The following SKIC3 variants were observed in gnomAD, a reference collection of about 807,000 sequenced individuals.
SKIC3 encodes superkiller complex protein 3.
At chr5:95,488,774 A>G in the SKIC3 span, among the ~76,000 whole-genome samples, 1 of 152,180 alleles carries the variant, frequency 6.6e-6, no homozygotes, top group Non-Finnish European at 1.5e-5. Flanking sequence ...AGAGGAAGAG[A>G]AAGGACACAA....
At chr5:95,503,541 C>T in the SKIC3 span, among the ~76,000 whole-genome samples, 1 of 152,194 alleles carries the variant, frequency 6.6e-6, no homozygotes, top group Non-Finnish European at 1.5e-5. Context: ...TGCTAAGTCA[C>T]ATTATTTGCC....
the SKIC3 span, chr5:95,468,034 C>T: frequency 1.9e-6 from 3 of 1,607,776 alleles, no homozygotes; most frequent in Non-Finnish European, 1.7e-6. Flanking sequence ...TGCAAATTAC[C>T]ATAAGATATT....
chr5:95,523,583 A>T, the SKIC3 span: 1 of 1,492,896 alleles, frequency 6.7e-7, no homozygotes, highest in Non-Finnish European at 9.1e-7. Flanking sequence ...TCAAGTATAC[A>T]TATATAAAAA....
chr5:95,521,220 A>G, the SKIC3 span: 4 of 158,540 alleles, frequency 2.5e-5, no homozygotes, highest in African/African-American at 2.4e-5. Flanking sequence ...AAGCTATACT[A>G]TAAGAATTAA....
the SKIC3 span, chr5:95,524,703 G>A: frequency 7.1e-7 from 1 of 1,400,740 alleles, no homozygotes; most frequent in Admixed American, 2.0e-5. Context: ...ATTCAGAGGT[G>A]CCAAATTAGA....
At chr5:95,514,888 A>G in the SKIC3 span, 1 of 1,612,602 alleles carries the variant, frequency 6.2e-7, no homozygotes, top group Non-Finnish European at 8.5e-7. Flanking sequence ...AAGATGGATC[A>G]AGGGATTGAG....
the SKIC3 span, chr5:95,523,607 A>G: frequency 1.9e-6 from 3 of 1,584,302 alleles, no homozygotes; most frequent in Non-Finnish European, 2.6e-6. Flanking sequence ...TTTCATTTAT[A>G]TACTCAGGAT....
At chr5:95,467,944 A>C in the SKIC3 span, 1 of 1,613,654 alleles carries the variant, frequency 6.2e-7, no homozygotes, top group South Asian at 1.1e-5. Flanking sequence ...TAGATTTGGG[A>C]TACCCAGGCT....
the SKIC3 span, among the ~76,000 whole-genome samples, chr5:95,488,718 G>A: frequency 6.6e-6 from 1 of 151,996 alleles, no homozygotes; most frequent in Non-Finnish European, 1.5e-5. Flanking sequence ...TTACCATCAT[G>A]AAAACACACA....
chr5:95,547,285 A>G, the SKIC3 span: 2 of 731,848 alleles, frequency 2.7e-6, no homozygotes, highest in South Asian at 3.0e-5. Flanking sequence ...TCTTCCCTCT[A>G]GAATATACAC....
chr5:95,536,937 AAAAGCAAAATAC>A, the SKIC3 span: 1 of 1,611,856 alleles, frequency 6.2e-7, no homozygotes, highest in South Asian at 1.1e-5. Flanking sequence ...TTGAAAATAT[AAAAGCAAAATAC>A]ACTACATTCT....
At chr5:95,517,248 A>G in the SKIC3 span, 3 of 1,613,310 alleles carry the variant, frequency 1.9e-6, no homozygotes, top group African/African-American at 4.0e-5. Flanking sequence ...AGATGGTGCG[A>G]CAGCATACAG....
chr5:95,483,763 G>T, the SKIC3 span, among the ~76,000 whole-genome samples: 1 of 152,086 alleles, frequency 6.6e-6, no homozygotes, highest in Non-Finnish European at 1.5e-5. Context: ...CATTCTTTCA[G>T]TAAATATTTA....
At chr5:95,514,899 C>A in the SKIC3 span, 2 of 1,612,308 alleles carry the variant, frequency 1.2e-6, no homozygotes, top group Non-Finnish European at 1.7e-6. Context: ...AGGGATTGAG[C>A]CATTTTGAAA....
At chr5:95,537,238 T>A in the SKIC3 span, 1 of 1,056,426 alleles carries the variant, frequency 9.5e-7, no homozygotes, top group African/African-American at 1.6e-5. Context: ...TTCAATTAAC[T>A]GCAAATGTAT....
chr5:95,464,490 T>A, the SKIC3 span: 1 of 793,306 alleles, frequency 1.3e-6, no homozygotes, highest in South Asian at 1.7e-5. Context: ...TTCTCTAGAT[T>A]CCTTTAGAAA....
the SKIC3 span, among the ~76,000 whole-genome samples, chr5:95,511,181 CG>C: frequency 1.3e-5 from 2 of 152,142 alleles, no homozygotes; most frequent in African/African-American, 4.8e-5. Context: ...GAGTCCGAGG[CG>C]GGTGGATCAC....
the SKIC3 span, chr5:95,521,921 G>A: frequency 9.4e-7 from 1 of 1,058,428 alleles, no homozygotes; most frequent in Non-Finnish European, 1.4e-6. Context: ...TACTGTAAGA[G>A]GTTCATATGG....
At chr5:95,522,456 C>T in the SKIC3 span, 6 of 921,056 alleles carry the variant, frequency 6.5e-6, no homozygotes, top group South Asian at 4.9e-5. Context: ...TAAATTTGTT[C>T]CTTTTATGAT....
Sources: gnomAD v4.1 joint callset for allele counts (sites outside exome capture counted in the v4.1 genomes callset) on GRCh38, gnomAD v4.1.1 for gene constraint, MANE v1.5 for transcripts, NCBI Gene and HGNC (gene_info 2026-07-23, HGNC 2026-07-21) for gene names.